The following CDCA7L variants were observed in gnomAD, a reference collection of about 807,000 sequenced individuals.
CDCA7L encodes cell division cycle-associated 7-like protein.
CDCA7L carries 44 observed loss-of-function variants against 57.4 expected under a neutral mutation model. The observed-to-expected ratio is 0.77, with a 90% CI of 0.60 to 0.98. The LOEUF is 0.98. Among genes scored for constraint, CDCA7L ranks in the 50% least tolerant of loss-of-function variants. The pLI is 0.00. For synonymous variants in CDCA7L, 236 were observed against 202.8 expected (o/e 1.16, Z -1.39); for missense variants, 644 against 580.6 (o/e 1.11, Z -1.12).
intron 1 of CDCA7L, among the ~76,000 whole-genome samples, chr7:21,938,026 T>C (rs1232850689): frequency 6.6e-6 from 1 of 152,160 alleles, no homozygotes; most frequent in Non-Finnish European, 1.5e-5. Context: ...TGGCAATAAT[T>C]TCTTGGATAT....
chr7:21,906,650 G>A lies in CDCA7L; in HGVS notation c.682-11C>T. ...CAATAACTGGGCAAGCTGAAGTTCA[G>A]AACAAAAGAAAGAATCTTACAAAAA... On this transcript the variant is annotated splice_polypyrimidine_tract_variant and intron_variant, in intron 4 of 9. Transcript: ENST00000406877. The A allele has an allele frequency of 1.2e-6, 2 of 1,613,448 alleles. No individual in the cohort carries two copies. The highest frequency in any genetic ancestry group is 1.1e-5 in the South Asian group (1 of 91,032).
At chr7:21,916,067 C>G (rs1194722884) in intron 2 of CDCA7L, among the ~76,000 whole-genome samples, 1 of 152,114 alleles carries the variant, frequency 6.6e-6, no homozygotes, top group Non-Finnish European at 1.5e-5. Flanking sequence ...TAACTGCTTC[C>G]CTTCCTGGAC....
At chr7:21,919,647 TC>T (rs1284594458) in intron 1 of CDCA7L, among the ~76,000 whole-genome samples, 2 of 152,236 alleles carry the variant, frequency 1.3e-5, no homozygotes, top group East Asian at 3.9e-4. Context: ...GGAGGCTTCT[TC>T]CTCTGCTCCC....
intron 8 of CDCA7L, 138 bp downstream of exon 8, chr7:21,903,972 G>T: frequency 1.4e-6 from 1 of 715,798 alleles, no homozygotes; most frequent in Non-Finnish European, 2.1e-6. Context: ...ATTTTCCCTG[G>T]AGCCTTAAGA....
At position 21,903,065 on chromosome 7, in the gene CDCA7L, C is replaced by T. The variant is rs995765441; in HGVS notation, c.1247G>A (p.Arg416Gln). Residue 416 changes from arginine to glutamine, a missense_variant, in exon 9 of 10, where the codon CGG becomes CAG. Transcript: ENST00000406877. Reference protein sequence around the residue: ...CRGICNCSYCRKRDGRCATGI... With the variant: ...CRGICNCSYCQKRDGRCATGI... ...TGTGGCACAGCGGCCGTCACGCTTC[C>T]GACAGTAGCTGCAATTGCAGATCCC... 5 of 1,613,982 alleles carry T rather than the reference C, an allele frequency of 3.1e-6. No homozygotes were observed. The highest frequency in any genetic ancestry group is 1.7e-5 in the Admixed American group (1 of 60,014).
rs112907648 is a variant in CDCA7L at position 21,905,686 on chromosome 7, T to G, written c.922-55A>C. On this transcript the variant is annotated intron_variant, in intron 6 of 9. Transcript: ENST00000406877. Reference sequence around the variant, plus strand: ...GATGTGTTGAGCAGTTATAAAAAAATTATAAATATTTTAAACTCTCAAAGA... The same window carrying G: ...GATGTGTTGAGCAGTTATAAAAAAAGTATAAATATTTTAAACTCTCAAAGA... The G allele has an allele frequency of 1.2e-3, 1,829 of 1,555,138 alleles. 25 individuals are homozygous for G. The African/African-American group carries it at 0.021, about 18-fold the overall frequency.
At chr7:21,920,692 T>C (rs148951188) in intron 1 of CDCA7L, among the ~76,000 whole-genome samples, 1 of 152,206 alleles carries the variant, frequency 6.6e-6, no homozygotes, top group African/African-American at 2.4e-5. Flanking sequence ...TATTGAAACT[T>C]TTCTCAAGGA....
At chr7:21,917,770 T>A (rs112544037) in intron 1 of CDCA7L, among the ~76,000 whole-genome samples, 3 of 152,176 alleles carry the variant, frequency 2.0e-5, no homozygotes, top group African/African-American at 7.2e-5. Context: ...TTCCCACACA[T>A]TGATTAAAGT....
At chr7:21,905,689 T>C in intron 6 of CDCA7L, 58 bp from the exon 7 acceptor site, 3 of 1,542,986 alleles carry the variant, frequency 1.9e-6, no homozygotes, top group Non-Finnish European at 2.6e-6. Flanking sequence ...AAAAAAATTA[T>C]AAATATTTTA....
chr7:21,916,683 A>C, intron 2 of CDCA7L, 71 bp downstream of exon 2: 1 of 1,417,762 alleles, frequency 7.1e-7, no homozygotes. Context: ...ACCATGTTCA[A>C]ATAAAAGAAC....
Position 21,911,083 on chromosome 7 carries a change from G to A in CDCA7L, c.303+534C>T, listed in dbSNP as rs945806968. 1.7e-4 allele frequency among the ~76,000 whole-genome samples: 21 copies of A among 122,444 alleles called. No homozygotes were observed. The Admixed American group carries it at 2.3e-3, about 13-fold the overall frequency. The allele number at this position is 122,444 out of a possible 152,430, so 80.3% of individuals were successfully genotyped here. On this transcript the variant is annotated intron_variant, in intron 3 of 9. Coordinates refer to ENST00000406877, the MANE Select transcript of CDCA7L (RefSeq NM_018719.5). ...CTCGCTCTGTCACCCAGGCTGGAGT[G>A]CAGTGGCTCAATCTCAGCTCACTGC...
chr7:21,931,628 CAAAAT>C (rs1562634868), intron 1 of CDCA7L, among the ~76,000 whole-genome samples: 1 of 152,146 alleles, frequency 6.6e-6, no homozygotes, highest in Admixed American at 6.5e-5. Flanking sequence ...GAACAGATCT[CAAAAT>C]AATAACAGCT....
chr7:21,909,505 G>A (rs892434843), intron 3 of CDCA7L, among the ~76,000 whole-genome samples: 1 of 152,044 alleles, frequency 6.6e-6, no homozygotes, highest in Non-Finnish European at 1.5e-5. Flanking sequence ...TTGGACTAAA[G>A]TTAGAAATAA....
At position 21,911,006 on chromosome 7, in the gene CDCA7L, A is replaced by ATTTTTTT. The variant is rs557286550; in HGVS notation, c.303+604_303+610dup. Reference sequence around the variant, plus strand: ...AGAGGTTTAAGGAACTCTTGAGATAATTTTTTTTTTTTTTTTTTTTTTTTT... The same window carrying ATTTTTTT: ...AGAGGTTTAAGGAACTCTTGAGATAATTTTTTTTTTTTTTTTTTTTTTTTTTTTTTTT... On this transcript the variant is annotated intron_variant, in intron 3 of 9. Transcript: ENST00000406877. Among the ~76,000 whole-genome samples the ATTTTTTT allele has an allele frequency of 3.8e-4, 31 of 82,530 alleles. 3 individuals are homozygous for ATTTTTTT. The highest frequency in any genetic ancestry group is 8.3e-4 in the African/African-American group (14 of 16,890). The allele number at this position is 82,530 out of a possible 152,430, so 54.1% of individuals were successfully genotyped here.
intron 4 of CDCA7L, among the ~76,000 whole-genome samples, chr7:21,907,808 G>A (rs532823202): frequency 1.2e-4 from 19 of 152,194 alleles, no homozygotes; most frequent in Middle Eastern, 6.8e-3. Flanking sequence ...TGCTGGGAAC[G>A]GGCTAGTTGT....
rs1784830335 is a variant in CDCA7L at position 21,901,337 on chromosome 7, A to ATTCTAACTTTTT, written c.*973_*984dup. The ATTCTAACTTTTT allele has an allele frequency of 7.1e-7, 1 of 1,411,180 alleles. No individual in the cohort carries two copies. The highest frequency in any genetic ancestry group is 1.5e-5 in the African/African-American group (1 of 68,540). The allele number at this position is 1,411,180 out of a possible 1,614,324, so 87.4% of individuals were successfully genotyped here. A position where few individuals can be genotyped will look rare whatever the true frequency, so the allele number is the denominator to read the frequency against. ...TTGCTGCACTGTTCCCATGCACATTATTCTAACTTTTTAGTAACTCACACG... is the reference window on the plus strand; with the variant it reads ...TTGCTGCACTGTTCCCATGCACATTATTCTAACTTTTTTTCTAACTTTTTAGTAACTCACACG... On this transcript the variant is annotated 3_prime_UTR_variant, in exon 10 of 10. Transcript: ENST00000406877.
intron 1 of CDCA7L, among the ~76,000 whole-genome samples, chr7:21,921,342 CAAAAAAA>C: frequency 8.2e-6 from 1 of 121,976 alleles, no homozygotes; most frequent in Non-Finnish European, 1.6e-5. Flanking sequence ...CAAGATTTGC[CAAAAAAA>C]AAAAAAAAAC....
At chr7:21,923,464 TAC>T (rs1282610224) in intron 1 of CDCA7L, among the ~76,000 whole-genome samples, 1 of 152,086 alleles carries the variant, frequency 6.6e-6, no homozygotes, top group East Asian at 1.9e-4. Flanking sequence ...ACCACTACAC[TAC>T]AGTCAGGGTG....
rs576561813 is a variant in CDCA7L, at chr7:21,901,661, CAACAAATTA to C, written c.*652_*660del. ...AACGGAGATTTTAATTTTTAACAAA[CAACAAATTA>C]AATTATTAGCCCTTAAACTCTTTCA... On this transcript the variant is annotated 3_prime_UTR_variant, in exon 10 of 10. Coordinates refer to ENST00000406877, the MANE Select transcript of CDCA7L (RefSeq NM_018719.5). 1.5e-4 allele frequency: 23 copies of C among 157,104 alleles called. No homozygotes were observed. In the South Asian group the frequency reaches 4.4e-3, roughly 30 times the overall value. 9.7% of individuals were successfully genotyped at this position (157,104 alleles called of 1,614,324 possible).
Sources: gnomAD v4.1 joint callset for allele counts (sites outside exome capture counted in the v4.1 genomes callset) on GRCh38, gnomAD v4.1.1 for gene constraint, MANE v1.5 for transcripts, NCBI Gene and HGNC (gene_info 2026-07-23, HGNC 2026-07-21) for gene names.